Variants in IFT140 observed in about 807,000 individuals in gnomAD.
The protein encoded by IFT140 is intraflagellar transport 140, also known as intraflagellar transport protein 140 homolog.
A neutral mutation model predicts 164.6 loss-of-function variants in IFT140; 133 were observed. The observed-to-expected ratio is 0.81, with a 90% confidence interval of 0.70 to 0.93. The LOEUF (loss-of-function observed/expected upper bound fraction) is 0.93, where lower values mean the gene tolerates loss of function less well. Among genes scored for constraint, IFT140 ranks in the 40% least tolerant of loss-of-function variants. The probability of loss-of-function intolerance (pLI) is 0.00; values close to 1 mark genes in which losing one functional copy is unlikely to be tolerated. For missense variants in IFT140, 2,045 were observed against 1,972.3 expected (o/e 1.04, Z -0.70); for synonymous variants, 860 against 817.3 (o/e 1.05, Z -0.89).
At position 1,520,332 on chromosome 16, in the gene IFT140, C is replaced by T. The variant is rs765766910; in HGVS notation, c.3672G>A (p.Ala1224=). ...TCTCCGTGTCTCCGGATTTGAGCAG[C>T]GCCCTCATGGCCTAGGCAGAGAGAC... is the stretch of plus-strand genomic sequence containing the variant. The part of the protein sequence containing the change: ...QAGNKLKAMR[A]LLKSGDTEKI... Residue 1224 remains alanine, a synonymous_variant, in exon 28 of 31, where the codon GCG becomes GCA. Coordinates refer to ENST00000426508, the MANE Select transcript of IFT140 (RefSeq NM_014714.4). 1.9e-5 allele frequency: 31 copies of T among 1,613,956 alleles called. No homozygotes were observed. The highest frequency in any genetic ancestry group is 8.3e-5 in the Admixed American group (5 of 60,010).
chr16:1,536,220 G>A lies in IFT140; in HGVS notation c.2400-9424C>T, dbSNP rs1325762689. On this transcript the variant is annotated intron_variant, in intron 19 of 30. Coordinates refer to ENST00000426508, the MANE Select transcript of IFT140 (RefSeq NM_014714.4). Reference sequence around the variant, plus strand: ...TCTCAGGGCAGCTGGAAGCCTTGGCGCCCCTCCCTGTTGCTACCTCTTGCG... The same window carrying A: ...TCTCAGGGCAGCTGGAAGCCTTGGCACCCCTCCCTGTTGCTACCTCTTGCG... 5.3e-5 allele frequency among the ~76,000 whole-genome samples: 8 copies of A among 152,352 alleles called. No individual in the cohort carries two copies. The East Asian group carries it at 1.2e-3, about 22-fold the overall frequency.
At chr16:1,565,860 G>T (rs1274691748) in intron 16 of IFT140, among the ~76,000 whole-genome samples, 1 of 152,196 alleles carries the variant, frequency 6.6e-6, no homozygotes, top group Non-Finnish European at 1.5e-5. Context: ...TGGGTCTGAG[G>T]TCACCACATT....
Position 1,566,263 on chromosome 16 carries a change from C to T in IFT140, c.1799G>A (p.Cys600Tyr), listed in dbSNP as rs538742855. 1 of 1,613,696 alleles carries T rather than the reference C, an allele frequency of 6.2e-7. No homozygotes were observed. The highest frequency in any genetic ancestry group is 1.3e-5 in the African/African-American group (1 of 75,030). ...TGTGTCCATTTCAACATCGTAGAAGCAGATTTTGGAATCAGGGCTGTTGTC... is the reference window on the plus strand; with the variant it reads ...TGTGTCCATTTCAACATCGTAGAAGTAGATTTTGGAATCAGGGCTGTTGTC... ...KADNSPDSKI[C>Y]FYDVEMDTVT... The change falls in exon 16 of 31, where the codon TGC becomes TAC. Residue 600 changes from cysteine (C) to tyrosine (Y), a missense_variant. Transcript: ENST00000426508.
At position 1,602,542 on chromosome 16, in the gene IFT140, G is replaced by A. The variant is rs1274301825; in HGVS notation, c.197C>T (p.Ser66Phe). ...CAGCCGCGTCGGGTGCCAGCACAGGGAAGCAACCCGGAACGGCCTCTCGAC... is the reference window on the plus strand; with the variant it reads ...CAGCCGCGTCGGGTGCCAGCACAGGAAAGCAACCCGGAACGGCCTCTCGAC... The part of the protein sequence containing the change: ...THVERPFRVA[S>F]LCWHPTRLVL... The change falls in exon 4 of 31, where the codon TCC (serine) becomes TTC (phenylalanine). Residue 66 changes from serine to phenylalanine, a missense_variant. Ser to Phe is a radical substitution (Grantham distance 155). Coordinates refer to ENST00000426508, the MANE Select transcript of IFT140 (RefSeq NM_014714.4). 4 of 1,614,002 alleles carry A rather than the reference G, an allele frequency of 2.5e-6. No homozygotes were observed. Among genetic ancestry groups the A allele is most frequent in the South Asian group, 1.1e-5 (1 of 91,080 alleles).
chr16:1,559,819 A>C (rs2033305271), intron 18 of IFT140, among the ~76,000 whole-genome samples: 1 of 152,234 alleles, frequency 6.6e-6, no homozygotes, highest in Admixed American at 6.5e-5. Context: ...TGTACTGAAA[A>C]TAAGGGAGGA....
At chr16:1,535,883 C>T (rs1303110009) in intron 19 of IFT140, among the ~76,000 whole-genome samples, 2 of 152,270 alleles carry the variant, frequency 1.3e-5, no homozygotes, top group Admixed American at 6.5e-5. Context: ...TCTCAGAACT[C>T]GGTGTCTTAT....
At chr16:1,529,433 C>T (rs553728865) in intron 19 of IFT140, among the ~76,000 whole-genome samples, 3 of 152,244 alleles carry the variant, frequency 2.0e-5, no homozygotes, top group African/African-American at 7.2e-5. Flanking sequence ...TGGCAGCTTC[C>T]TGGACGCTCA....
chr16:1,547,907 G>A (rs2032306868), intron 19 of IFT140, among the ~76,000 whole-genome samples: 1 of 152,168 alleles, frequency 6.6e-6, no homozygotes, highest in Non-Finnish European at 1.5e-5. Flanking sequence ...ACACTCCTGG[G>A]CTCAAGTGAT....
chr16:1,608,200 A>G (rs2036172015), intron 2 of IFT140, among the ~76,000 whole-genome samples: 1 of 152,206 alleles, frequency 6.6e-6, no homozygotes, highest in Non-Finnish European at 1.5e-5. Context: ...TCAGATCTGG[A>G]AAAGATATAC....
intron 7 of IFT140, among the ~76,000 whole-genome samples, chr16:1,588,654 C>T (rs531025754): frequency 4.7e-4 from 72 of 151,988 alleles, no homozygotes; most frequent in African/African-American, 1.5e-3. Flanking sequence ...TCCAACCACA[C>T]GCTCTGGGCA....
At chr16:1,524,404 C>T (rs1343270347) in intron 24 of IFT140, 148 bp downstream of exon 24, 27 of 1,003,164 alleles carry the variant, frequency 2.7e-5, no homozygotes, top group Middle Eastern at 3.3e-4. Flanking sequence ...GAGGGGTGGG[C>T]GGGTGAGGCA....
At chr16:1,608,621 G>A (rs1293994761) in intron 2 of IFT140, among the ~76,000 whole-genome samples, 4 of 107,602 alleles carry the variant, frequency 3.7e-5, no homozygotes, top group Admixed American at 2.5e-4. Context: ...AACAGAATAG[G>A]ACTCCGCCTC....
intron 4 of IFT140, among the ~76,000 whole-genome samples, chr16:1,596,971 A>G (rs1473143603): frequency 6.6e-6 from 1 of 152,172 alleles, no homozygotes; most frequent in Non-Finnish European, 1.5e-5. Flanking sequence ...AAGGTGAGAA[A>G]CCAGCTCTCC....
At chr16:1,515,219 A>C (rs1347474668) in intron 30 of IFT140, among the ~76,000 whole-genome samples, 2 of 152,194 alleles carry the variant, frequency 1.3e-5, no homozygotes, top group Non-Finnish European at 2.9e-5. Context: ...GAAAACACCT[A>C]GGAACATCAT....
rs78154916 is a variant in IFT140, at chr16:1,571,719, G to A, written c.1525-185C>T. Among the ~76,000 whole-genome samples the A allele has an allele frequency of 0.023, 3,509 of 152,288 alleles. 135 individuals are homozygous for A. Among genetic ancestry groups the A allele is most frequent in the African/African-American group, 0.079 (3,292 of 41,536 alleles). ...TTACTGACGGCTCAGAGTGTGCCCA[G>A]CACTCTGCTGGACTCTAGTGCTGCG... On this transcript the variant is annotated intron_variant, in intron 13 of 30. Coordinates refer to ENST00000426508, the MANE Select transcript of IFT140 (RefSeq NM_014714.4).
chr16:1,566,037 T>G (rs1265870864), intron 16 of IFT140, 124 bp downstream of exon 16: 1 of 840,264 alleles, frequency 1.2e-6, no homozygotes, highest in Admixed American at 2.2e-5. Context: ...TCCTCTTTCT[T>G]TTTCCTACTG....
In IFT140 at chr16:1,596,403, C is replaced by A. The variant is rs545343130; in HGVS notation, c.370-3815G>T. ...TTTATTAGCACATACGAGCTTCTAG[C>A]TGACCACTTAACCAGCATTCTCAAC... On this transcript the variant is annotated intron_variant, in intron 4 of 30. Transcript: ENST00000426508. 1.4e-4 allele frequency among the ~76,000 whole-genome samples: 22 copies of A among 152,312 alleles called. No individual in the cohort carries two copies. The South Asian group carries it at 4.1e-3, about 29-fold the overall frequency.
chr16:1,561,973 G>A lies in IFT140; in HGVS notation c.2199+12C>T, dbSNP rs766175192. On this transcript the variant is annotated intron_variant, in intron 18 of 30. Coordinates refer to ENST00000426508, the MANE Select transcript of IFT140 (RefSeq NM_014714.4). ...ATCAGAAGACACCTGTGCGGATGTCGTGGCTTCGTACCTTTCTTGTGAAGT... is the reference window on the plus strand; with the variant it reads ...ATCAGAAGACACCTGTGCGGATGTCATGGCTTCGTACCTTTCTTGTGAAGT... 6.3e-6 allele frequency: 10 copies of A among 1,587,296 alleles called. No individual in the cohort carries two copies. The highest frequency in any genetic ancestry group is 1.4e-5 in the African/African-American group (1 of 73,686).
At chr16:1,592,677 T>C in intron 4 of IFT140, 89 bp from the exon 5 acceptor site, 1 of 1,378,314 alleles carries the variant, frequency 7.3e-7, no homozygotes, top group Non-Finnish European at 9.5e-7. Flanking sequence ...CGACTGGTGG[T>C]GGGACAGGTG....
Sources: gnomAD v4.1 joint callset for allele counts (sites outside exome capture counted in the v4.1 genomes callset) on GRCh38, gnomAD v4.1.1 for gene constraint, MANE v1.5 for transcripts, NCBI Gene and HGNC (gene_info 2026-07-23, HGNC 2026-07-21) for gene names.